The following TMEM117 variants were observed in gnomAD, a reference collection of about 807,000 sequenced individuals.
The protein encoded by TMEM117 is transmembrane protein 117.
A neutral mutation model predicts 52.4 loss-of-function variants in TMEM117; 27 were observed. The observed-to-expected ratio is 0.51, with a 90% confidence interval of 0.38 to 0.71. TMEM117 has a LOEUF of 0.71. Ranked by LOEUF, TMEM117 falls within the 30% of genes least tolerant of loss-of-function variation. The pLI, the probability that TMEM117 is intolerant of heterozygous loss-of-function variation, is 0.00. For synonymous variants in TMEM117, 215 were observed against 206.3 expected (o/e 1.04, Z -0.36); for missense variants, 556 against 630.5 (o/e 0.88, Z 1.26).
intron 6 of TMEM117, among the ~76,000 whole-genome samples, chr12:44,356,613 C>G (rs923933768): frequency 6.6e-6 from 1 of 152,038 alleles, no homozygotes; most frequent in Non-Finnish European, 1.5e-5. Flanking sequence ...ATCTTCTGCC[C>G]TCTGTATTTT....
intron 5 of TMEM117, among the ~76,000 whole-genome samples, chr12:44,266,592 T>G (rs925831651): frequency 4.6e-5 from 7 of 152,172 alleles, no homozygotes; most frequent in African/African-American, 1.4e-4. Flanking sequence ...TTTATTTTGC[T>G]GTCCTTTGAA....
intron 5 of TMEM117, among the ~76,000 whole-genome samples, chr12:44,267,872 A>G (rs1016030543): frequency 6.6e-6 from 1 of 152,150 alleles, no homozygotes; most frequent in Non-Finnish European, 1.5e-5. Context: ...GACATTATGT[A>G]TGCCATGTTT....
intron 2 of TMEM117, among the ~76,000 whole-genome samples, chr12:43,943,790 C>A (rs564819065): frequency 6.6e-6 from 1 of 152,176 alleles, no homozygotes. Flanking sequence ...TATCATCTGG[C>A]CAGTATTGGG....
the TMEM117 span, among the ~76,000 whole-genome samples, chr12:43,815,308 T>G: frequency 1.3e-5 from 2 of 152,358 alleles, no homozygotes; most frequent in Admixed American, 6.5e-5. Context: ...TGATACAAAT[T>G]GTCAGTGCCT....
At chr12:44,001,769 G>A (rs1279493982) in intron 3 of TMEM117, among the ~76,000 whole-genome samples, 2 of 152,098 alleles carry the variant, frequency 1.3e-5, no homozygotes, top group Non-Finnish European at 2.9e-5. Context: ...GACTTCAAGG[G>A]TATGGGAACT....
the TMEM117 span, among the ~76,000 whole-genome samples, chr12:43,828,560 A>G: frequency 6.6e-6 from 1 of 152,230 alleles, no homozygotes; most frequent in Non-Finnish European, 1.5e-5. Context: ...ATTTCATGGC[A>G]ACTGGTACTT....
intron 5 of TMEM117, among the ~76,000 whole-genome samples, chr12:44,282,575 A>G (rs1307759940): frequency 2.0e-5 from 3 of 152,198 alleles, no homozygotes; most frequent in Non-Finnish European, 4.4e-5. Flanking sequence ...AACTTGAGAA[A>G]GATTATTTAG....
chr12:43,975,036 T>G (rs7297277), intron 3 of TMEM117, among the ~76,000 whole-genome samples: 136,184 of 152,086 alleles, frequency 0.9, 61,729 homozygotes, highest in Non-Finnish European at 0.97. Flanking sequence ...CAAATGAATT[T>G]GTCATTTTCT....
chr12:44,369,012 A>G (rs954496299), intron 6 of TMEM117, among the ~76,000 whole-genome samples: 3 of 151,962 alleles, frequency 2.0e-5, no homozygotes, highest in Admixed American at 1.3e-4. Context: ...AGTTATCAGC[A>G]ACTCTTCAGA....
chr12:43,950,740 A>G (rs1270414117), intron 3 of TMEM117, among the ~76,000 whole-genome samples: 5 of 152,146 alleles, frequency 3.3e-5, no homozygotes, highest in African/African-American at 4.8e-5. Flanking sequence ...TTCTCAAAAG[A>G]AATATTTTCC....
At chr12:43,984,935 C>T (rs1945822858) in intron 3 of TMEM117, among the ~76,000 whole-genome samples, 1 of 152,038 alleles carries the variant, frequency 6.6e-6, no homozygotes, top group South Asian at 2.1e-4. Context: ...GAAATGGGAG[C>T]ATTTCCAATA....
chr12:43,825,969 C>A, the TMEM117 span, among the ~76,000 whole-genome samples: 1 of 152,242 alleles, frequency 6.6e-6, no homozygotes, highest in Non-Finnish European at 1.5e-5. Flanking sequence ...TCTCCACCAT[C>A]TCTACCTGGA....
chr12:43,901,345 C>T (rs781337366), intron 2 of TMEM117, among the ~76,000 whole-genome samples: 2 of 152,014 alleles, frequency 1.3e-5, no homozygotes, highest in African/African-American at 4.8e-5. Context: ...GAGTCTTGCT[C>T]TGTTGCCCAG....
chr12:44,007,458 T>C (rs1390266495), intron 3 of TMEM117, among the ~76,000 whole-genome samples: 1 of 152,164 alleles, frequency 6.6e-6, no homozygotes, highest in Non-Finnish European at 1.5e-5. Context: ...TGAAAAATAA[T>C]TTCACAAGAC....
intron 4 of TMEM117, among the ~76,000 whole-genome samples, chr12:44,164,976 C>G (rs1023937323): frequency 1.3e-5 from 2 of 152,112 alleles, no homozygotes; most frequent in Non-Finnish European, 2.9e-5. Context: ...ATATTGTTAA[C>G]TATAGTTACC....
intron 2 of TMEM117, among the ~76,000 whole-genome samples, chr12:43,922,166 C>T (rs373197301): frequency 6.6e-6 from 1 of 152,116 alleles, no homozygotes; most frequent in South Asian, 2.1e-4. Flanking sequence ...TGTGTGGTCT[C>T]TCTTTCTGTC....
chr12:43,876,149 CT>C (rs1364212178), intron 2 of TMEM117, among the ~76,000 whole-genome samples: 4 of 152,142 alleles, frequency 2.6e-5, no homozygotes, highest in African/African-American at 9.7e-5. Flanking sequence ...GTTCTCATGA[CT>C]TTGTCCTTTC....
the TMEM117 span, among the ~76,000 whole-genome samples, chr12:43,819,114 C>T: frequency 2.0e-5 from 3 of 152,014 alleles, no homozygotes; most frequent in Non-Finnish European, 2.9e-5. Flanking sequence ...AAATACATGG[C>T]GGAGGGGAGG....
At chr12:44,055,266 TA>T (rs1947036456) in intron 3 of TMEM117, among the ~76,000 whole-genome samples, 5 of 152,164 alleles carry the variant, frequency 3.3e-5, no homozygotes, top group African/African-American at 1.2e-4. Context: ...TTGTATCAAA[TA>T]AAAATTTTGT....
Sources: allele counts gnomAD v4.1 joint callset (sites outside exome capture counted in the v4.1 genomes callset), GRCh38; gene constraint gnomAD v4.1.1; transcripts MANE v1.5; gene names NCBI Gene and HGNC (gene_info 2026-07-23, HGNC 2026-07-21).